ITIH5: variants seen among roughly 807,000 people sequenced by gnomAD.
ITIH5 encodes inter-alpha-trypsin inhibitor heavy chain H5.
ITIH5 carries 65 observed loss-of-function variants against 77.5 expected under a neutral mutation model. The observed-to-expected ratio is 0.84, with a 90% CI of 0.69 to 1.03. The LOEUF (loss-of-function observed/expected upper bound fraction) is 1.03, where lower values mean the gene tolerates loss of function less well. Ranked by LOEUF, ITIH5 falls within the 50% of genes least tolerant of loss-of-function variation. The pLI is 0.00. For synonymous variants in ITIH5, 525 were observed against 494.3 expected (o/e 1.06, Z -0.82); for missense variants, 1,208 against 1,213.1 (o/e 1.00, Z 0.06).
At chr10:7,620,814 G>C (rs1460442314) in intron 5 of ITIH5, 1 of 152,306 alleles carries the variant, frequency 6.6e-6, no homozygotes, top group African/African-American at 2.4e-5. Context: ...GCACTTTTCA[G>C]CGCAGTGTCG....
At chr10:7,589,331 G>A (rs1366115038) in intron 7 of ITIH5, among the ~76,000 whole-genome samples, 1 of 152,022 alleles carries the variant, frequency 6.6e-6, no homozygotes, top group East Asian at 1.9e-4. Flanking sequence ...ATGGTGGCAC[G>A]CGCCTGTAAT....
chr10:7,658,034 C>T (rs926349175), intron 1 of ITIH5, among the ~76,000 whole-genome samples: 1 of 152,126 alleles, frequency 6.6e-6, no homozygotes, highest in African/African-American at 2.4e-5. Context: ...CCTAGTCTAT[C>T]CTGAGAGATA....
intron 1 of ITIH5, among the ~76,000 whole-genome samples, chr10:7,662,739 G>C (rs571706421): frequency 6.6e-6 from 1 of 152,204 alleles, no homozygotes; most frequent in Non-Finnish European, 1.5e-5. Context: ...CAAATCCCTG[G>C]AATTTCTCCC....
intron 13 of ITIH5, among the ~76,000 whole-genome samples, chr10:7,565,257 CATATACACAGACTGTACAT>C (rs1331313226): frequency 4.7e-5 from 7 of 148,934 alleles, no homozygotes; most frequent in Admixed American, 3.4e-4. Context: ...TACATATACA[CATATACACAGACTGTACAT>C]ATATACACAC....
At chr10:7,612,858 T>C (rs1833277997) in intron 7 of ITIH5, among the ~76,000 whole-genome samples, 1 of 152,190 alleles carries the variant, frequency 6.6e-6, no homozygotes, top group Non-Finnish European at 1.5e-5. Context: ...CACAGTGGTC[T>C]TAAAAGAAGC....
chr10:7,588,388 C>T (rs1832725150), intron 7 of ITIH5, among the ~76,000 whole-genome samples: 1 of 152,138 alleles, frequency 6.6e-6, no homozygotes, highest in South Asian at 2.1e-4. Flanking sequence ...GGCGTGGTGG[C>T]CCACCTGTAA....
intron 5 of ITIH5, among the ~76,000 whole-genome samples, chr10:7,628,855 C>CTGTTGTAGCGTATGTCCA (rs1833642374): frequency 1.4e-5 from 1 of 73,340 alleles, no homozygotes; most frequent in South Asian, 5.1e-4. Context: ...GCGTGTGTCC[C>CTGTTGTAGCGTATGTCCA]TGTTGTAGCG....
At chr10:7,644,530 G>GATATATCACATATATATGA (rs1833949351) in intron 2 of ITIH5, among the ~76,000 whole-genome samples, 2 of 59,754 alleles carry the variant, frequency 3.3e-5, no homozygotes, top group African/African-American at 1.5e-4. Context: ...ACATATATAT[G>GATATATCACATATATATGA]ATATATCACA....
In ITIH5 at chr10:7,628,317, C is replaced by T. The variant is rs561095626; in HGVS notation, c.652+8911G>A. On this transcript the variant is annotated intron_variant, in intron 5 of 13. Coordinates refer to ENST00000397146, the MANE Select transcript of ITIH5 (RefSeq NM_030569.7). The stretch of plus-strand genomic sequence containing the variant: ...CCAGCCCCAGGCAACTACCAATCTG[C>T]TTTCTGTCTCTACGGATTTGTGTGT... Among the ~76,000 whole-genome samples the T allele has an allele frequency of 2.6e-5, 4 of 152,344 alleles. No homozygotes were observed. The East Asian group carries it at 7.7e-4, about 29-fold the overall frequency.
intron 8 of ITIH5, among the ~76,000 whole-genome samples, chr10:7,584,684 G>A (rs1169519152): frequency 6.6e-6 from 1 of 152,136 alleles, no homozygotes; most frequent in Non-Finnish European, 1.5e-5. Context: ...AGTAAGCAGG[G>A]CCATTAAAAT....
At position 7,562,670 on chromosome 10, in the gene ITIH5, C is replaced by G; in HGVS notation, c.*413G>C. 1 of 208,784 alleles carries G rather than the reference C, an allele frequency of 4.8e-6. No individual in the cohort carries two copies. Among genetic ancestry groups the G allele is most frequent in the South Asian group, 9.5e-5 (1 of 10,526 alleles). The allele number at this position is 208,784 out of a possible 1,614,324, so 12.9% of individuals were successfully genotyped here. On this transcript the variant is annotated 3_prime_UTR_variant, in exon 14 of 14. Transcript: ENST00000397146. Reference sequence around the variant, plus strand: ...CTAAGCATTAGTGTAAGGCAAAAAGCAGAGTGCCTAAACTTGTCCATTTCC... The same window carrying G: ...CTAAGCATTAGTGTAAGGCAAAAAGGAGAGTGCCTAAACTTGTCCATTTCC...
chr10:7,632,221 T>G (rs567728769), intron 5 of ITIH5, among the ~76,000 whole-genome samples: 37 of 152,348 alleles, frequency 2.4e-4, no homozygotes, highest in African/African-American at 8.4e-4. Flanking sequence ...CTGAATTAGC[T>G]GCAGTGCTTT....
intron 1 of ITIH5, among the ~76,000 whole-genome samples, chr10:7,658,932 TC>T (rs771696804): frequency 1.3e-5 from 2 of 152,096 alleles, no homozygotes; most frequent in Non-Finnish European, 2.9e-5. Flanking sequence ...GACCCCCACT[TC>T]CCGTGACGGT....
chr10:7,628,737 G>C (rs914738322), intron 5 of ITIH5, among the ~76,000 whole-genome samples: 6 of 138,798 alleles, frequency 4.3e-5, no homozygotes, highest in African/African-American at 1.1e-4. Flanking sequence ...CCATGTTGCA[G>C]CGTGTGTCCA....
intron 1 of ITIH5, among the ~76,000 whole-genome samples, chr10:7,660,930 G>A (rs76085005): frequency 0.052 from 7,854 of 152,282 alleles, 425 homozygotes; most frequent in Admixed American, 0.17. Flanking sequence ...TCGCCGGGGC[G>A]TGGACAGGTA....
At position 7,642,055 on chromosome 10, in the gene ITIH5, C is replaced by T. The variant is rs1833898850; in HGVS notation, c.171G>A (p.Lys57=). 1 of 1,613,928 alleles carries T rather than the reference C, an allele frequency of 6.2e-7. No homozygotes were observed. ...AGGCATAACGGGAAATGATGGTAGA[C>T]TTCACTGAGAATTCTGTCATCAAAG... is the stretch of plus-strand genomic sequence containing the variant. ...TKPLMTEFSV[K]STIISRYAFT... is the part of the protein sequence containing the mutation. The change falls in exon 3 of 14, where the codon AAG becomes AAA. Residue 57 remains lysine, a synonymous_variant. Coordinates refer to ENST00000397146, the MANE Select transcript of ITIH5 (RefSeq NM_030569.7).
Position 7,566,244 on chromosome 10 carries a change from C to T in ITIH5, c.2313G>A (p.Leu771=). ...CCACACTCTGGTTGCAGGGGAGCAC[C>T]AGTCTGTCCCCACCATCCAAGATGA... is the stretch of plus-strand genomic sequence containing the variant. ...SRVILDGGDR[L]VLPCNQSVVV... Residue 771 remains leucine (L), a synonymous_variant, in exon 13 of 14, where the codon CTG becomes CTA. Transcript: ENST00000397146. 6.2e-7 allele frequency: 1 copy of T among 1,613,492 alleles called. No individual in the cohort carries two copies.
At chr10:7,585,222 G>A (rs1832647677) in intron 8 of ITIH5, among the ~76,000 whole-genome samples, 1 of 152,236 alleles carries the variant, frequency 6.6e-6, no homozygotes, top group African/African-American at 2.4e-5. Context: ...TACAGGGAAT[G>A]GCAAGAGTAA....
At chr10:7,642,193 T>C (rs1050615513) in intron 2 of ITIH5, 103 bp from the exon 3 acceptor site, 2 of 886,666 alleles carry the variant, frequency 2.3e-6, no homozygotes, top group Non-Finnish European at 3.4e-6. Context: ...ATCTTCAGTT[T>C]GGGAGCCTTT....
Sources: gnomAD v4.1 joint callset for allele counts (sites outside exome capture counted in the v4.1 genomes callset) on GRCh38, gnomAD v4.1.1 for gene constraint, MANE v1.5 for transcripts, NCBI Gene and HGNC (gene_info 2026-07-23, HGNC 2026-07-21) for gene names.